The following LRRC1 variants were observed in gnomAD, a reference collection of about 807,000 sequenced individuals.
The protein encoded by LRRC1 is leucine-rich repeat-containing protein 1.
Under a neutral mutation model 69.9 loss-of-function variants are expected in LRRC1, and 28 were observed. The observed-to-expected ratio is 0.40, with a 90% CI of 0.30 to 0.55. The LOEUF (loss-of-function observed/expected upper bound fraction) is 0.55. Ranked by LOEUF, LRRC1 falls within the 20% of genes least tolerant of loss-of-function variation. LRRC1 has a pLI of 0.47. For synonymous variants in LRRC1, 236 were observed against 240.2 expected, an observed-to-expected ratio of 0.98 and a Z score of 0.16; for missense variants, 498 against 609.0, an observed-to-expected ratio of 0.82 and a Z score of 1.92.
At chr6:53,823,115 G>A (rs984841019) in intron 1 of LRRC1, among the ~76,000 whole-genome samples, 1 of 152,180 alleles carries the variant, frequency 6.6e-6, no homozygotes, top group African/African-American at 2.4e-5. Flanking sequence ...TGGATAGGCT[G>A]CTATTGGTCT....
rs376738505 is a variant in LRRC1, at chr6:53,909,154, C to G, written c.990+4692C>G. Among the ~76,000 whole-genome samples, 65 of 152,318 alleles carry G rather than the reference C, an allele frequency of 4.3e-4. No homozygotes were observed. The East Asian group carries it at 8.1e-3, about 19-fold the overall frequency. Reference sequence around the variant, plus strand: ...GCACCATACCAAGTGTCCACAGAGGCAGCTAACATGTGCCAGGCATGGTGC... The same window carrying G: ...GCACCATACCAAGTGTCCACAGAGGGAGCTAACATGTGCCAGGCATGGTGC... On this transcript the variant is annotated intron_variant, in intron 10 of 13. Coordinates refer to ENST00000370888, the MANE Select transcript of LRRC1 (RefSeq NM_018214.5).
chr6:53,855,860 T>C (rs1308455392), intron 2 of LRRC1, among the ~76,000 whole-genome samples: 4 of 152,212 alleles, frequency 2.6e-5, no homozygotes, highest in South Asian at 2.1e-4. Flanking sequence ...TTCCTCCTCA[T>C]CAGGGCCCTG....
intron 2 of LRRC1, among the ~76,000 whole-genome samples, chr6:53,876,868 A>G (rs754556077): frequency 2.6e-5 from 4 of 152,056 alleles, no homozygotes; most frequent in Non-Finnish European, 5.9e-5. Context: ...GCACAGTGCT[A>G]TCTGTTGGTG....
At chr6:53,834,247 T>C (rs995786650) in intron 1 of LRRC1, among the ~76,000 whole-genome samples, 4 of 152,246 alleles carry the variant, frequency 2.6e-5, no homozygotes, top group Non-Finnish European at 5.9e-5. Flanking sequence ...TTCATTCTTA[T>C]CTGTCTAGAT....
At chr6:53,876,310 G>T (rs183660048) in intron 2 of LRRC1, among the ~76,000 whole-genome samples, 1 of 152,212 alleles carries the variant, frequency 6.6e-6, no homozygotes, top group Admixed American at 6.5e-5. Flanking sequence ...CTCCTACCGG[G>T]TCCCTCCCAC....
chr6:53,897,494 G>T, intron 7 of LRRC1, 135 bp downstream of exon 7: 1 of 588,824 alleles, frequency 1.7e-6, no homozygotes, highest in Non-Finnish European at 2.9e-6. Context: ...AGGCACATTT[G>T]GAAAAAACAT....
At chr6:53,861,893 A>G (rs1384936243) in intron 2 of LRRC1, among the ~76,000 whole-genome samples, 1 of 152,200 alleles carries the variant, frequency 6.6e-6, no homozygotes, top group Admixed American at 6.5e-5. Context: ...CATAGATCCT[A>G]TTTGGAAAGA....
intron 1 of LRRC1, among the ~76,000 whole-genome samples, chr6:53,835,083 CTT>C (rs1025695896): frequency 1.3e-5 from 2 of 152,200 alleles, no homozygotes; most frequent in African/African-American, 4.8e-5. Flanking sequence ...TTTTTGACAT[CTT>C]TATTAAGATA....
Position 53,842,233 on chromosome 6 carries a change from A to G in LRRC1, c.277+6A>G. 1 of 1,601,324 alleles carries G rather than the reference A, an allele frequency of 6.2e-7. No homozygotes were observed. The highest frequency in any genetic ancestry group is 8.6e-7 in the Non-Finnish European group (1 of 1,169,198). On this transcript the variant is annotated splice_donor_region_variant and intron_variant, in intron 2 of 13. Transcript: ENST00000370888. The stretch of plus-strand genomic sequence containing the variant: ...ACTAGATGTGTCTCGAAATGGTAAG[A>G]AAGATTCCACTTGGGTTGCCTATTT...
chr6:53,833,778 A>T (rs377279437), intron 1 of LRRC1, among the ~76,000 whole-genome samples: 1 of 152,190 alleles, frequency 6.6e-6, no homozygotes, highest in East Asian at 1.9e-4. Flanking sequence ...AGGGAGAAAT[A>T]TCTCTTCAGA....
chr6:53,847,167 C>A (rs1327709763), intron 2 of LRRC1, among the ~76,000 whole-genome samples: 1 of 152,136 alleles, frequency 6.6e-6, no homozygotes, highest in Non-Finnish European at 1.5e-5. Context: ...TGGATTGCAT[C>A]TGTAAAATTT....
At chr6:53,895,344 A>G (rs939211979) in intron 4 of LRRC1, among the ~76,000 whole-genome samples, 24 of 152,220 alleles carry the variant, frequency 1.6e-4, no homozygotes, top group African/African-American at 5.3e-4. Context: ...GTTAAAATAT[A>G]TTTTCTGGCA....
chr6:53,809,142 T>G (rs962157616), intron 1 of LRRC1, among the ~76,000 whole-genome samples: 2 of 152,238 alleles, frequency 1.3e-5, no homozygotes, highest in Non-Finnish European at 2.9e-5. Context: ...TCATAATTAT[T>G]CAGCTATTAT....
intron 2 of LRRC1, among the ~76,000 whole-genome samples, chr6:53,850,374 G>T (rs1368793828): frequency 4.6e-5 from 7 of 152,134 alleles, no homozygotes; most frequent in African/African-American, 1.7e-4. Flanking sequence ...CAATGAGTGG[G>T]TTTCTCAGTT....
chr6:53,837,041 A>G (rs74411716), intron 1 of LRRC1, among the ~76,000 whole-genome samples: 29,276 of 152,108 alleles, frequency 0.19, 3,010 homozygotes, highest in Middle Eastern at 0.33. Context: ...TCCATGTCAT[A>G]ACTAACGGTA....
intron 1 of LRRC1, among the ~76,000 whole-genome samples, chr6:53,823,718 C>T (rs770549175): frequency 2.0e-5 from 3 of 152,096 alleles, no homozygotes; most frequent in Non-Finnish European, 2.9e-5. Flanking sequence ...GTTCCCCTCC[C>T]ACTTATAAGT....
At chr6:53,859,158 G>C (rs1235665721) in intron 2 of LRRC1, among the ~76,000 whole-genome samples, 1 of 152,142 alleles carries the variant, frequency 6.6e-6, no homozygotes, top group Non-Finnish European at 1.5e-5. Flanking sequence ...GGTTTGAAAG[G>C]GAAGATAGAG....
chr6:53,887,674 C>T (rs1767533068), intron 4 of LRRC1, among the ~76,000 whole-genome samples: 1 of 152,152 alleles, frequency 6.6e-6, no homozygotes, highest in Non-Finnish European at 1.5e-5. Context: ...ATTTTCTTTA[C>T]TGCATGCTTC....
intron 2 of LRRC1, among the ~76,000 whole-genome samples, chr6:53,861,073 A>G (rs1343686104): frequency 6.6e-6 from 1 of 152,074 alleles, no homozygotes; most frequent in Non-Finnish European, 1.5e-5. Context: ...AAAACTGCCT[A>G]TTGGGTATTA....
Sources: allele counts gnomAD v4.1 joint callset (sites outside exome capture counted in the v4.1 genomes callset), GRCh38; gene constraint gnomAD v4.1.1; transcripts MANE v1.5; gene names NCBI Gene and HGNC (gene_info 2026-07-23, HGNC 2026-07-21).